VIT: variants seen among roughly 807,000 people sequenced by gnomAD.
VIT encodes the protein vitrin.
A neutral mutation model predicts 78.0 loss-of-function variants in VIT; 99 were observed. The ratio of observed to expected loss-of-function variants is 1.27; its 90% CI spans 1.08 to 1.50. VIT has a LOEUF of 1.50. Among genes scored for constraint, VIT ranks in the 40% most tolerant of loss-of-function variants. The probability of loss-of-function intolerance (pLI) is 0.00; values close to 1 mark genes in which losing one functional copy is unlikely to be tolerated. For missense variants in VIT, 1,126 were observed against 875.3 expected (o/e 1.29, Z -3.61); for synonymous variants, 374 against 334.3 (o/e 1.12, Z -1.29).
chr2:36,764,229 A>G (rs1669288464), intron 6 of VIT, among the ~76,000 whole-genome samples: 1 of 152,248 alleles, frequency 6.6e-6, no homozygotes, highest in Non-Finnish European at 1.5e-5. Context: ...ATTTACAAGT[A>G]AAATAGATTG....
chr2:36,801,139 T>A (rs1248133187), intron 12 of VIT, among the ~76,000 whole-genome samples, 162 bp from the exon 13 acceptor site: 1 of 152,212 alleles, frequency 6.6e-6, no homozygotes, highest in African/African-American at 2.4e-5. Flanking sequence ...ATAGCCTCCT[T>A]TTCTCTACAC....
intron 7 of VIT, among the ~76,000 whole-genome samples, chr2:36,768,557 A>C (rs1472451349): frequency 6.6e-6 from 1 of 152,262 alleles, no homozygotes; most frequent in African/African-American, 2.4e-5. Context: ...TATGACTTCC[A>C]ATTTCAATAA....
intron 11 of VIT, among the ~76,000 whole-genome samples, chr2:36,786,768 C>T (rs1665124638): frequency 1.3e-5 from 2 of 152,202 alleles, no homozygotes; most frequent in African/African-American, 4.8e-5. Context: ...CACGCTCTTG[C>T]GACTCAGTCT....
At chr2:36,754,342 T>G (rs1195033560) in intron 4 of VIT, among the ~76,000 whole-genome samples, 2 of 152,172 alleles carry the variant, frequency 1.3e-5, no homozygotes, top group Non-Finnish European at 2.9e-5. Context: ...ATGGAGACCC[T>G]GCCTAACATC....
chr2:36,785,290 A>G (rs1665016861), intron 11 of VIT, among the ~76,000 whole-genome samples: 1 of 152,210 alleles, frequency 6.6e-6, no homozygotes, highest in South Asian at 2.1e-4. Context: ...GTCTGTCTCT[A>G]TAGGTTTGGG....
chr2:36,767,316 C>A, intron 7 of VIT, 31 bp downstream of exon 7: 1 of 1,464,278 alleles, frequency 6.8e-7, no homozygotes, highest in Non-Finnish European at 9.0e-7. Context: ...TTGCTTTGTG[C>A]TAGGGAAATG....
At chr2:36,797,678 A>C (rs1666005804) in intron 12 of VIT, among the ~76,000 whole-genome samples, 3 of 152,214 alleles carry the variant, frequency 2.0e-5, no homozygotes, top group African/African-American at 7.2e-5. Flanking sequence ...CAGTGCACAG[A>C]CAGCTTTTGG....
intron 6 of VIT, among the ~76,000 whole-genome samples, chr2:36,760,569 C>G (rs537705956): frequency 1.0e-3 from 152 of 152,266 alleles, no homozygotes; most frequent in Non-Finnish European, 1.7e-3. Context: ...GACCTGGGCA[C>G]AGAGACGAAG....
chr2:36,782,206 C>CTCT (rs1181995773), intron 10 of VIT, among the ~76,000 whole-genome samples: 5 of 152,204 alleles, frequency 3.3e-5, no homozygotes, highest in African/African-American at 1.2e-4. Flanking sequence ...GACCTTCCAG[C>CTCT]TCTTCATGGG....
intron 1 of VIT, among the ~76,000 whole-genome samples, chr2:36,702,416 T>TTA (rs1553358427): frequency 0.17 from 26,275 of 151,316 alleles, 2,771 homozygotes; most frequent in East Asian, 0.43. Flanking sequence ...TTTTTTTTTT[T>TTA]AAAAAAGACC....
At chr2:36,809,504 G>A (rs1236286297) in intron 15 of VIT, among the ~76,000 whole-genome samples, 2 of 152,156 alleles carry the variant, frequency 1.3e-5, no homozygotes, top group Admixed American at 1.3e-4. Flanking sequence ...TGCAACCTCT[G>A]CCTCCCAGGT....
At position 36,705,788 on chromosome 2, in the gene VIT, C is replaced by T. The variant is rs142441318; in HGVS notation, c.-19+8815C>T. On this transcript the variant is annotated intron_variant, in intron 1 of 15. Transcript: ENST00000379242. ...AAGCATAACGTTCTCATAAATACAT[C>T]GAGAAATAAACATTCTCATAAATCA... Among the ~76,000 whole-genome samples the T allele has an allele frequency of 7.4e-3, 1,133 of 152,312 alleles. 8 individuals carry two copies. The highest frequency in any genetic ancestry group is 0.011 in the Non-Finnish European group (767 of 68,030).
At chr2:36,807,728 G>A (rs1666833150) in intron 14 of VIT, among the ~76,000 whole-genome samples, 1 of 152,192 alleles carries the variant, frequency 6.6e-6, no homozygotes, top group South Asian at 2.1e-4. Context: ...AGGTGTATTT[G>A]CAGCTGCCTT....
intron 2 of VIT, among the ~76,000 whole-genome samples, chr2:36,719,604 T>C (rs2148458389): frequency 6.6e-6 from 1 of 152,232 alleles, no homozygotes; most frequent in Middle Eastern, 3.4e-3. Context: ...TAGGAATAAA[T>C]TTAACCATAG....
chr2:36,812,372 A>G (rs1476465885), intron 15 of VIT, among the ~76,000 whole-genome samples: 1 of 151,996 alleles, frequency 6.6e-6, no homozygotes, highest in African/African-American at 2.4e-5. Flanking sequence ...TTTCATGGCC[A>G]TTTTGCTTAC....
chr2:36,729,358 T>C (rs2148483796), intron 2 of VIT, 68 bp from the exon 3 acceptor site: 1 of 1,377,906 alleles, frequency 7.3e-7, no homozygotes, highest in Non-Finnish European at 9.9e-7. Flanking sequence ...GAAGCAAGTA[T>C]GAGTCAAAAG....
chr2:36,774,620 G>A, intron 8 of VIT: 2 of 985,394 alleles, frequency 2.0e-6, no homozygotes, highest in Non-Finnish European at 2.4e-6. Context: ...AGGAACAGGG[G>A]CCCAATGGGC....
chr2:36,736,828 A>C (rs1017762834), intron 3 of VIT, among the ~76,000 whole-genome samples: 17 of 152,234 alleles, frequency 1.1e-4, no homozygotes, highest in African/African-American at 3.9e-4. Context: ...TTGTGTTTTC[A>C]TAAGTCCATA....
At chr2:36,704,087 G>C (rs556502363) in intron 1 of VIT, among the ~76,000 whole-genome samples, 28 of 152,042 alleles carry the variant, frequency 1.8e-4, no homozygotes, top group Non-Finnish European at 3.4e-4. Context: ...CACCATGCCT[G>C]GCTAATTTTT....
Sources: gnomAD v4.1 joint callset for allele counts (sites outside exome capture counted in the v4.1 genomes callset) on GRCh38, gnomAD v4.1.1 for gene constraint, MANE v1.5 for transcripts, NCBI Gene and HGNC (gene_info 2026-07-23, HGNC 2026-07-21) for gene names.